The following ZNF385D variants were observed in gnomAD, a reference collection of about 807,000 sequenced individuals.
The protein encoded by ZNF385D is zinc finger protein 659.
In ZNF385D, 15 loss-of-function variants were observed where a neutral mutation model predicts 35.8. That is an observed-to-expected ratio of 0.42 (90% CI 0.28 to 0.64). ZNF385D has a LOEUF of 0.64. Ranked by LOEUF, ZNF385D falls within the 30% of genes least tolerant of loss-of-function variation. ZNF385D has a pLI of 0.23. For missense variants in ZNF385D, 474 were observed against 494.6 expected (o/e 0.96, Z 0.39); for synonymous variants, 212 against 186.8 (o/e 1.13, Z -1.10).
chr3:22,012,023 G>A (rs1696605027), intron 3 of ZNF385D, among the ~76,000 whole-genome samples: 1 of 152,092 alleles, frequency 6.6e-6, no homozygotes, highest in Admixed American at 6.6e-5. Context: ...ATCAGTACAT[G>A]TGCATGATAT....
At chr3:22,086,968 G>A (rs1019073585) in intron 3 of ZNF385D, among the ~76,000 whole-genome samples, 6 of 152,030 alleles carry the variant, frequency 3.9e-5, no homozygotes, top group Admixed American at 1.3e-4. Context: ...AGCATTAGGA[G>A]AATTACCTAA....
chr3:21,918,939 C>A (rs1279093004), intron 3 of ZNF385D, among the ~76,000 whole-genome samples: 3 of 152,180 alleles, frequency 2.0e-5, no homozygotes, highest in Non-Finnish European at 2.9e-5. Context: ...TAGATCCCAA[C>A]TTCTAAGAGA....
intron 1 of ZNF385D, among the ~76,000 whole-genome samples, chr3:21,670,043 A>G (rs1559504746): frequency 1.3e-5 from 2 of 152,038 alleles, no homozygotes; most frequent in Admixed American, 6.6e-5. Context: ...TTAATCTTTC[A>G]TTTCCCCAGG....
At chr3:22,210,272 C>G (rs1010565645) in intron 2 of ZNF385D, among the ~76,000 whole-genome samples, 1 of 151,802 alleles carries the variant, frequency 6.6e-6, no homozygotes, top group Non-Finnish European at 1.5e-5. Flanking sequence ...CCTTACATAA[C>G]TAATGTCTCA....
chr3:21,966,403 G>C (rs1388726784), intron 3 of ZNF385D, among the ~76,000 whole-genome samples: 1 of 152,170 alleles, frequency 6.6e-6, no homozygotes, highest in Admixed American at 6.5e-5. Flanking sequence ...CTTTAGGCTG[G>C]TAAAGACGCA....
chr3:21,989,695 G>C (rs1302840499), intron 3 of ZNF385D, among the ~76,000 whole-genome samples: 1 of 151,916 alleles, frequency 6.6e-6, no homozygotes, highest in Admixed American at 6.6e-5. Flanking sequence ...AAAAAGGACA[G>C]CCAAACCATC....
chr3:22,316,498 T>C (rs1461390542), intron 2 of ZNF385D, among the ~76,000 whole-genome samples: 1 of 152,160 alleles, frequency 6.6e-6, no homozygotes, highest in Non-Finnish European at 1.5e-5. Flanking sequence ...AGGTAAATTT[T>C]TCCCCAAAAA....
intron 3 of ZNF385D, among the ~76,000 whole-genome samples, chr3:21,838,570 G>T (rs980172783): frequency 6.6e-6 from 1 of 152,040 alleles, no homozygotes; most frequent in Non-Finnish European, 1.5e-5. Flanking sequence ...AACAATAGCG[G>T]CTTTGAGTGT....
intron 3 of ZNF385D, among the ~76,000 whole-genome samples, chr3:21,826,013 C>A (rs1333030991): frequency 6.6e-6 from 1 of 152,148 alleles, no homozygotes; most frequent in Admixed American, 6.5e-5. Context: ...TGAGGTGGAA[C>A]AGTTTCATCC....
chr3:22,188,810 G>T (rs1465230540), intron 2 of ZNF385D, among the ~76,000 whole-genome samples: 1 of 152,114 alleles, frequency 6.6e-6, no homozygotes, highest in Non-Finnish European at 1.5e-5. Flanking sequence ...ATGGTATTAG[G>T]AACTTTTTGC....
At chr3:22,180,749 A>C (rs1010032159) in intron 2 of ZNF385D, among the ~76,000 whole-genome samples, 2 of 152,174 alleles carry the variant, frequency 1.3e-5, no homozygotes, top group African/African-American at 4.8e-5. Context: ...TTCATGCTAA[A>C]AACTCTCAAT....
chr3:22,150,883 C>T (rs765130789), intron 3 of ZNF385D, among the ~76,000 whole-genome samples: 1 of 152,034 alleles, frequency 6.6e-6, no homozygotes, highest in Non-Finnish European at 1.5e-5. Context: ...AAGGGAACAT[C>T]GAGCTTCCTG....
chr3:21,609,153 C>T (rs113698964), intron 2 of ZNF385D, among the ~76,000 whole-genome samples: 1 of 152,150 alleles, frequency 6.6e-6, no homozygotes, highest in African/African-American at 2.4e-5. Flanking sequence ...TTCAGAAGAA[C>T]ACGAGAGTAA....
chr3:22,023,980 C>A (rs1464698203), intron 3 of ZNF385D, among the ~76,000 whole-genome samples: 1 of 152,092 alleles, frequency 6.6e-6, no homozygotes, highest in East Asian at 1.9e-4. Context: ...AAGTATTGAT[C>A]CCCTGGGTAT....
chr3:22,310,697 T>C (rs866814092), intron 2 of ZNF385D, among the ~76,000 whole-genome samples: 13 of 151,910 alleles, frequency 8.6e-5, no homozygotes, highest in Non-Finnish European at 7.4e-5. Context: ...ACTAGGAATA[T>C]TTCCTTTAAC....
At chr3:21,643,507 T>C (rs2125862620) in intron 2 of ZNF385D, among the ~76,000 whole-genome samples, 1 of 152,216 alleles carries the variant, frequency 6.6e-6, no homozygotes, top group African/African-American at 2.4e-5. Context: ...AAGAAAAACA[T>C]ATGTCTGCAT....
At chr3:22,316,756 G>A (rs187920777) in intron 2 of ZNF385D, among the ~76,000 whole-genome samples, 1 of 152,284 alleles carries the variant, frequency 6.6e-6, no homozygotes, top group East Asian at 1.9e-4. Flanking sequence ...CAGCTACCAA[G>A]TCAGCTTTTA....
At chr3:21,734,270 C>A (rs75684727) in intron 1 of ZNF385D, among the ~76,000 whole-genome samples, 1 of 115,124 alleles carries the variant, frequency 8.7e-6, no homozygotes. Context: ...CAGTAGGAAA[C>A]CCAGAACACT....
At chr3:21,795,104 A>C (rs986716562) in intron 3 of ZNF385D, among the ~76,000 whole-genome samples, 13 of 152,206 alleles carry the variant, frequency 8.5e-5, no homozygotes, top group African/African-American at 3.1e-4. Flanking sequence ...AAAAGAATTA[A>C]ATGCTTAAGT....
Sources: gnomAD v4.1 joint callset for allele counts (sites outside exome capture counted in the v4.1 genomes callset) on GRCh38, gnomAD v4.1.1 for gene constraint, MANE v1.5 for transcripts, NCBI Gene and HGNC (gene_info 2026-07-23, HGNC 2026-07-21) for gene names.